Variants in EPC1 observed in about 807,000 individuals in gnomAD.
EPC1 encodes the protein enhancer of polycomb 1.
EPC1 carries 12 observed loss-of-function variants against 98.4 expected under a neutral mutation model. The observed-to-expected ratio is 0.12, with a 90% CI of 0.08 to 0.20. The LOEUF (loss-of-function observed/expected upper bound fraction) is 0.20, where lower values mean the gene tolerates loss of function less well. EPC1 is among the 10% of genes least tolerant of loss of function. The probability of loss-of-function intolerance (pLI) is 1.00; values close to 1 mark genes in which losing one functional copy is unlikely to be tolerated. For synonymous variants in EPC1, 357 were observed against 363.9 expected (o/e 0.98, Z 0.21); for missense variants, 729 against 990.5 (o/e 0.74, Z 3.54).
intron 2 of EPC1, among the ~76,000 whole-genome samples, chr10:32,305,082 C>G (rs1835798683): frequency 6.6e-6 from 1 of 152,212 alleles, no homozygotes; most frequent in African/African-American, 2.4e-5. Context: ...AGCTATTCAT[C>G]ACCAAATGTC....
chr10:32,297,430 T>C (rs1268968495), intron 2 of EPC1, among the ~76,000 whole-genome samples: 1 of 151,760 alleles, frequency 6.6e-6, no homozygotes, highest in African/African-American at 2.4e-5. Context: ...GGATTACACA[T>C]GTCTGCCACC....
intron 1 of EPC1, among the ~76,000 whole-genome samples, chr10:32,327,027 A>G (rs1313235986): frequency 6.8e-5 from 10 of 147,176 alleles, no homozygotes; most frequent in Non-Finnish European, 1.5e-4. Flanking sequence ...AATCAATGTA[A>G]ATTACCATCA....
At chr10:32,316,057 T>C (rs918251040) in intron 1 of EPC1, among the ~76,000 whole-genome samples, 2 of 152,224 alleles carry the variant, frequency 1.3e-5, no homozygotes, top group Non-Finnish European at 2.9e-5. Context: ...TCCTTACTGT[T>C]TGTCAATCTT....
At chr10:32,273,680 G>C (rs1165493427) in intron 10 of EPC1, among the ~76,000 whole-genome samples, 1 of 151,904 alleles carries the variant, frequency 6.6e-6, no homozygotes, top group Non-Finnish European at 1.5e-5. Flanking sequence ...ATTACATTTG[G>C]TTTCTATTTA....
intron 6 of EPC1, among the ~76,000 whole-genome samples, chr10:32,287,867 T>C (rs1355650187): frequency 1.3e-5 from 2 of 152,032 alleles, no homozygotes; most frequent in Non-Finnish European, 2.9e-5. Context: ...GATAAAGATA[T>C]GAAATCATTA....
intron 2 of EPC1, among the ~76,000 whole-genome samples, chr10:32,305,373 G>A (rs2490475): frequency 0.85 from 129,891 of 152,286 alleles, 55,498 homozygotes; most frequent in East Asian, 0.96. Flanking sequence ...ATGACCCACA[G>A]AGTCTACAGT....
chr10:32,307,719 T>C (rs2132829664), intron 1 of EPC1, among the ~76,000 whole-genome samples: 1 of 152,350 alleles, frequency 6.6e-6, no homozygotes, highest in Admixed American at 6.5e-5. Context: ...GAATGCCCAC[T>C]GACACAGGGC....
In EPC1 at chr10:32,363,948, T is replaced by A. The variant is rs74495231; in HGVS notation, c.3+14543A>T. On this transcript the variant is annotated intron_variant, in intron 1 of 13. Coordinates refer to the EPC1 transcript ENST00000375110. Reference sequence around the variant, plus strand: ...GTGGGAATAAAAAACAAAACAATTTTATGTACAGAGAAAAAGTCTAATTTT... The same window carrying A: ...GTGGGAATAAAAAACAAAACAATTTAATGTACAGAGAAAAAGTCTAATTTT... Among the ~76,000 whole-genome samples the A allele has an allele frequency of 9.3e-3, 1,414 of 151,820 alleles. 12 individuals are homozygous for A. The highest frequency in any genetic ancestry group is 0.027 in the Middle Eastern group (8 of 294).
chr10:32,306,698 A>T (rs1664171462), intron 1 of EPC1, among the ~76,000 whole-genome samples: 1 of 152,248 alleles, frequency 6.6e-6, no homozygotes, highest in Admixed American at 6.5e-5. Flanking sequence ...AATGTTTAGT[A>T]TAATGCCTGA....
At chr10:32,332,408 T>C (rs1431257098) in intron 1 of EPC1, among the ~76,000 whole-genome samples, 2 of 152,154 alleles carry the variant, frequency 1.3e-5, no homozygotes, top group African/African-American at 4.8e-5. Flanking sequence ...TACCCTTGGG[T>C]AGTCCCCTCC....
chr10:32,294,974 C>T (rs1835062763), intron 2 of EPC1, among the ~76,000 whole-genome samples: 2 of 152,044 alleles, frequency 1.3e-5, no homozygotes, highest in Admixed American at 6.6e-5. Context: ...GAGGCAAATG[C>T]CTATTTATTC....
chr10:32,281,743 A>C (rs1204338468), intron 10 of EPC1: 1 of 151,176 alleles, frequency 6.6e-6, no homozygotes, highest in African/African-American at 2.4e-5. Flanking sequence ...ATCTCGGCTC[A>C]CTGCAACCTC....
At chr10:32,269,164 T>C (rs771434930) in intron 13 of EPC1, 29 bp from the exon 14 acceptor site, 1 of 1,570,580 alleles carries the variant, frequency 6.4e-7, no homozygotes, top group Non-Finnish European at 8.7e-7. Flanking sequence ...ATCAATTACT[T>C]ATCTACAACA....
At chr10:32,357,661 C>T (rs914847973) in intron 1 of EPC1, among the ~76,000 whole-genome samples, 1 of 151,748 alleles carries the variant, frequency 6.6e-6, no homozygotes, top group African/African-American at 2.4e-5. Context: ...GGTCTTGCTA[C>T]GTTGGCTAGG....
rs1202030154 is a variant in EPC1 at position 32,268,224 on chromosome 10, T to C, written c.*839A>G. On this transcript the variant is annotated 3_prime_UTR_variant, in exon 14 of 14. Transcript: ENST00000319778. ...ATTTGCATACTTGATTTAACACTTT[T>C]TGGTGTGGAAGGAAATGGGACTACT... 1.3e-5 allele frequency: 2 copies of C among 152,186 alleles called. No homozygotes were observed. Among genetic ancestry groups the C allele is most frequent in the Non-Finnish European group, 2.9e-5 (2 of 68,044 alleles). 9.4% of individuals were successfully genotyped at this position (152,186 alleles called of 1,614,324 possible).
chr10:32,369,637 CTGT>C (rs1222532997), intron 1 of EPC1, among the ~76,000 whole-genome samples: 1 of 152,162 alleles, frequency 6.6e-6, no homozygotes, highest in Non-Finnish European at 1.5e-5. Context: ...TTAGAATGTG[CTGT>C]CGAAAGTACT....
chr10:32,350,455 A>G (rs746056376), upstream of EPC1, among the ~76,000 whole-genome samples: 1 of 152,244 alleles, frequency 6.6e-6, no homozygotes, highest in African/African-American at 2.4e-5. Context: ...TCAACTGCTC[A>G]TGGGAATGAA....
At chr10:32,337,653 C>T (rs1220494346) in intron 1 of EPC1, among the ~76,000 whole-genome samples, 1 of 152,190 alleles carries the variant, frequency 6.6e-6, no homozygotes, top group Admixed American at 6.5e-5. Context: ...CCTGATGGAA[C>T]TTTGTAACTA....
In EPC1 at chr10:32,346,797, T is replaced by C; in HGVS notation, c.119A>G (p.Gln40Arg). ...EYASINRAVP[Q>R]MPTGMEKEEE... ...TTCCTTCTCCATTCCGGTGGGCATC[T>C]GCGGCACGGCCCTGTTTATCGAGGC... Residue 40 changes from glutamine (Q) to arginine (R), a missense_variant, in exon 1 of 14, where the codon CAG becomes CGG. By Grantham distance (43) the Gln-to-Arg change is conservative. Transcript: ENST00000319778. The C allele has an allele frequency of 6.2e-7, 1 of 1,614,128 alleles. No homozygotes were observed. The highest frequency in any genetic ancestry group is 8.5e-7 in the Non-Finnish European group (1 of 1,179,990).
Sources: gnomAD v4.1 joint callset for allele counts (sites outside exome capture counted in the v4.1 genomes callset) on GRCh38, gnomAD v4.1.1 for gene constraint, MANE v1.5 for transcripts, NCBI Gene and HGNC (gene_info 2026-07-23, HGNC 2026-07-21) for gene names.